Variants in ACTN1 observed in about 807,000 individuals in gnomAD.
The protein encoded by ACTN1 is actinin alpha 1, also known as alpha-actinin-1.
In ACTN1, 30 loss-of-function variants were observed where a neutral mutation model predicts 119.6. The observed-to-expected ratio is 0.25, with a 90% CI of 0.19 to 0.34. ACTN1 has a LOEUF of 0.34. ACTN1 is among the 10% of genes least tolerant of loss of function. The pLI is 1.00. For synonymous variants in ACTN1, 429 were observed against 472.6 expected (o/e 0.91, Z 1.20); for missense variants, 764 against 1,223.4 (o/e 0.62, Z 5.60).
intron 1 of ACTN1, among the ~76,000 whole-genome samples, chr14:68,929,079 G>A (rs949037911): frequency 1.8e-4 from 27 of 151,908 alleles, no homozygotes; most frequent in African/African-American, 6.3e-4. Context: ...CGTGGGAGAG[G>A]GCTGGAACTG....
chr14:68,949,691 G>T (rs77539346), intron 1 of ACTN1, among the ~76,000 whole-genome samples: 4,293 of 152,264 alleles, frequency 0.028, 79 homozygotes, highest in Non-Finnish European at 0.042. Flanking sequence ...CGGCCAAAAG[G>T]GGGGAACAAC....
At chr14:68,902,644 A>G in intron 7 of ACTN1, 82 bp from the exon 8 acceptor site, 7 of 1,157,220 alleles carry the variant, frequency 6.0e-6, no homozygotes, top group South Asian at 3.8e-5. Flanking sequence ...AGAAGCTCGC[A>G]GCACCACCAA....
intron 4 of ACTN1, 93 bp from the exon 5 acceptor site, chr14:68,910,135 T>G: frequency 2.2e-6 from 2 of 921,330 alleles, no homozygotes; most frequent in South Asian, 3.0e-5. Flanking sequence ...GACCCTTTGA[T>G]GCCAACCCTG....
rs2037062020 is a variant in ACTN1, at chr14:68,976,421, C to T, written c.105+2531G>A. 1.3e-5 allele frequency among the ~76,000 whole-genome samples: 2 copies of T among 152,178 alleles called. 1 individual carries two copies. The highest frequency in any genetic ancestry group is 4.1e-4 in the South Asian group (2 of 4,824). On this transcript the variant is annotated intron_variant, in intron 1 of 21. Coordinates refer to ENST00000394419, the MANE Select transcript of ACTN1 (RefSeq NM_001130004.2). ...ACGTCTTATCCCTCACCTGTAATAC[C>T]ACCTCCTTAATATCACCCTACTGAG...
rs80147946 is a variant in ACTN1, at chr14:68,963,325, A to C, written c.105+15627T>G. 7.4e-3 allele frequency among the ~76,000 whole-genome samples: 1,128 copies of C among 152,320 alleles called. 14 individuals carry two copies. Among genetic ancestry groups the C allele is most frequent in the African/African-American group, 0.024 (987 of 41,570 alleles). ...GGGTCTCTCACTCACAGGCCTCCTT[A>C]GAGACAGAGACCATGCATCTGTCCC... On this transcript the variant is annotated intron_variant, in intron 1 of 21. Coordinates refer to ENST00000394419, the MANE Select transcript of ACTN1 (RefSeq NM_001130004.2).
chr14:68,944,446 T>C (rs996020419), intron 1 of ACTN1, among the ~76,000 whole-genome samples: 1 of 152,216 alleles, frequency 6.6e-6, no homozygotes, highest in African/African-American at 2.4e-5. Context: ...CTTCCATAAA[T>C]TCTTACTGAG....
intron 1 of ACTN1, among the ~76,000 whole-genome samples, chr14:68,942,856 C>T (rs2035808595): frequency 6.6e-6 from 1 of 152,100 alleles, no homozygotes; most frequent in Admixed American, 6.5e-5. Context: ...AGGAGAGCAG[C>T]TGGGGACAAT....
intron 1 of ACTN1, among the ~76,000 whole-genome samples, chr14:68,970,024 C>T (rs1695803456): frequency 6.6e-6 from 1 of 152,162 alleles, no homozygotes; most frequent in African/African-American, 2.4e-5. Flanking sequence ...TTATAATCAG[C>T]TTTGCAGATG....
In ACTN1 at chr14:68,885,244, T is replaced by C. The variant is rs755639885; in HGVS notation, c.1385+181A>G. On this transcript the variant is annotated intron_variant, in intron 12 of 21. Transcript: ENST00000394419. The surrounding 1 kb of genome is among the most constrained non-coding windows in gnomAD (Gnocchi z 5.6). ...GTGGCCTTTAACAGGATGGCAGTGG[T>C]CCCGGGCTCCTTCCCCACCAGGAGA... 7.2e-5 allele frequency among the ~76,000 whole-genome samples: 11 copies of C among 151,982 alleles called. No homozygotes were observed. The highest frequency in any genetic ancestry group is 7.4e-5 in the Non-Finnish European group (5 of 67,958).
intron 14 of ACTN1, among the ~76,000 whole-genome samples, chr14:68,883,696 T>G (rs1276454421): frequency 6.6e-6 from 1 of 152,152 alleles, no homozygotes; most frequent in Non-Finnish European, 1.5e-5. Flanking sequence ...GAGGATCGCT[T>G]AAGCCCAGGA....
intron 1 of ACTN1, among the ~76,000 whole-genome samples, chr14:68,934,278 G>A (rs1371949834): frequency 3.9e-5 from 6 of 152,230 alleles, no homozygotes; most frequent in Admixed American, 3.9e-4. Context: ...TCTGGGAGTC[G>A]GCAAAAGCTG....
intron 1 of ACTN1, among the ~76,000 whole-genome samples, chr14:68,968,188 C>T (rs768012773): frequency 2.6e-5 from 4 of 152,182 alleles, no homozygotes; most frequent in Non-Finnish European, 5.9e-5. Flanking sequence ...CTGAGACTGA[C>T]GTCTCCTGCC....
chr14:68,887,590 A>C, intron 11 of ACTN1: 3 of 1,401,654 alleles, frequency 2.1e-6, no homozygotes, highest in Non-Finnish European at 2.8e-6. Context: ...AAAAATAAAC[A>C]ATCAGCAAAT....
chr14:68,908,778 C>A (rs1445635692), intron 6 of ACTN1, among the ~76,000 whole-genome samples: 1 of 152,206 alleles, frequency 6.6e-6, no homozygotes, highest in African/African-American at 2.4e-5. Context: ...TCTGTCCCCA[C>A]TCCACACACC....
intron 11 of ACTN1, 122 bp downstream of exon 11, chr14:68,890,016 TG>T: frequency 7.0e-7 from 1 of 1,429,532 alleles, no homozygotes; most frequent in Non-Finnish European, 9.3e-7. Flanking sequence ...CCTAAAGCCA[TG>T]GAACTAGTAA....
chr14:68,909,384 G>A lies in ACTN1; in HGVS notation c.528C>T (p.Gly176=). Residue 176 remains glycine, a synonymous_variant, in exon 6 of 22, where the codon GGC becomes GGT. Coordinates refer to ENST00000394419, the MANE Select transcript of ACTN1 (RefSeq NM_001130004.2). The surrounding 1 kb of genome is among the most constrained non-coding windows in gnomAD (Gnocchi z 4.1). ...GGTGGATCAAAGCACAGAAGCCGAGGCCATCCTTCCAGCTGCCCGGGGAGA... is the reference window on the plus strand; with the variant it reads ...GGTGGATCAAAGCACAGAAGCCGAGACCATCCTTCCAGCTGCCCGGGGAGA... The part of the protein sequence containing the change: ...IQNFHISWKD[G]LGFCALIHRH... 2.5e-6 allele frequency: 4 copies of A among 1,614,060 alleles called. No homozygotes were observed. Among genetic ancestry groups the A allele is most frequent in the Non-Finnish European group, 3.4e-6 (4 of 1,179,992 alleles).
chr14:68,958,541 C>T (rs12101054), intron 1 of ACTN1, among the ~76,000 whole-genome samples: 15,304 of 151,358 alleles, frequency 0.1, 842 homozygotes, highest in Middle Eastern at 0.19. Context: ...ACAGGTGGCA[C>T]ATTAAGCTGG....
chr14:68,902,118 G>A (rs774006969), intron 8 of ACTN1, among the ~76,000 whole-genome samples: 5 of 152,232 alleles, frequency 3.3e-5, no homozygotes, highest in Non-Finnish European at 5.9e-5. Context: ...CGAGCCAGTG[G>A]CTTCAACAGA....
chr14:68,919,521 C>T (rs1407881718), intron 3 of ACTN1, among the ~76,000 whole-genome samples: 1 of 152,236 alleles, frequency 6.6e-6, no homozygotes, highest in Non-Finnish European at 1.5e-5. Context: ...GCAGATTATA[C>T]TGCTATATGT....
Sources: gnomAD v4.1 joint callset for allele counts (sites outside exome capture counted in the v4.1 genomes callset) on GRCh38, gnomAD v4.1.1 for gene constraint, Gnocchi (gnomAD v3.1) non-coding constraint, MANE v1.5 for transcripts, NCBI Gene and HGNC (gene_info 2026-07-23, HGNC 2026-07-21) for gene names.